Variants in SETBP1 observed in about 807,000 individuals in gnomAD.
The protein encoded by SETBP1 is SET binding protein 1, also known as SET-binding protein.
A neutral mutation model predicts 101.0 loss-of-function variants in SETBP1; 9 were observed. The observed-to-expected ratio is 0.09, with a 90% confidence interval of 0.05 to 0.16. The LOEUF is 0.16. SETBP1 is among the 10% of genes least tolerant of loss of function. The pLI is 1.00. For missense variants in SETBP1, 1,858 were observed against 2,033.8 expected, an observed-to-expected ratio of 0.91 and a Z score of 1.66; for synonymous variants, 818 against 788.5, an observed-to-expected ratio of 1.04 and a Z score of -0.63.
chr18:44,885,373 A>G (rs900010920), intron 3 of SETBP1, among the ~76,000 whole-genome samples: 46 of 152,178 alleles, frequency 3.0e-4, no homozygotes, highest in Non-Finnish European at 1.8e-4. Flanking sequence ...AAATGAGCAC[A>G]TGAATCCCAA....
At chr18:44,779,118 C>T (rs2071070517) in intron 2 of SETBP1, among the ~76,000 whole-genome samples, 1 of 152,200 alleles carries the variant, frequency 6.6e-6, no homozygotes, top group South Asian at 2.1e-4. Flanking sequence ...CAGGACTGGA[C>T]AATGTTGCTT....
At chr18:44,965,044 T>G (rs979527921) in intron 4 of SETBP1, among the ~76,000 whole-genome samples, 1 of 152,158 alleles carries the variant, frequency 6.6e-6, no homozygotes, top group Admixed American at 6.6e-5. Flanking sequence ...CTCAGGACAT[T>G]AACTGAGAAG....
intron 4 of SETBP1, among the ~76,000 whole-genome samples, chr18:45,015,318 G>C (rs1022699556): frequency 9.2e-5 from 14 of 152,292 alleles, no homozygotes; most frequent in African/African-American, 2.9e-4. Context: ...CTCACATTTT[G>C]GCCCCAATTC....
At chr18:44,924,538 G>A (rs1304987034) in intron 3 of SETBP1, among the ~76,000 whole-genome samples, 1 of 152,080 alleles carries the variant, frequency 6.6e-6, no homozygotes, top group Non-Finnish European at 1.5e-5. Flanking sequence ...TATTAATGGG[G>A]AAACTGAGGT....
intron 5 of SETBP1, among the ~76,000 whole-genome samples, chr18:45,055,176 G>A (rs1347914160): frequency 1.3e-5 from 2 of 152,180 alleles, no homozygotes; most frequent in East Asian, 3.8e-4. Context: ...GCCATAGAAA[G>A]TTAAGATCTT....
chr18:45,026,095 A>C (rs535901009), intron 4 of SETBP1, among the ~76,000 whole-genome samples: 1 of 152,328 alleles, frequency 6.6e-6, no homozygotes, highest in Admixed American at 6.5e-5. Flanking sequence ...AAGACACTAC[A>C]AAAGATGCTT....
chr18:44,942,816 C>A (rs1444324664), intron 3 of SETBP1, among the ~76,000 whole-genome samples: 1 of 152,112 alleles, frequency 6.6e-6, no homozygotes, highest in Non-Finnish European at 1.5e-5. Flanking sequence ...TATGGTAGGG[C>A]CCTCTGTCGT....
At chr18:44,987,012 C>T (rs1005836238) in intron 4 of SETBP1, 1 of 151,958 alleles carries the variant, frequency 6.6e-6, no homozygotes, top group Admixed American at 6.6e-5. Context: ...TATTATGTAC[C>T]GTACCTAGTC....
chr18:44,782,938 C>T (rs1426800212), intron 2 of SETBP1, among the ~76,000 whole-genome samples: 2 of 151,878 alleles, frequency 1.3e-5, no homozygotes, highest in Non-Finnish European at 2.9e-5. Flanking sequence ...TTTGGGGGTA[C>T]GTAGTAGGTG....
At chr18:44,685,845 T>C (rs781052674) in intron 1 of SETBP1, among the ~76,000 whole-genome samples, 1 of 152,156 alleles carries the variant, frequency 6.6e-6, no homozygotes, top group Non-Finnish European at 1.5e-5. Flanking sequence ...CATATAACTG[T>C]ATATATTGAA....
chr18:44,877,498 C>A, intron 3 of SETBP1: 1 of 379,556 alleles, frequency 2.6e-6, no homozygotes, highest in Non-Finnish European at 3.6e-6. Context: ...AAAAATGGTT[C>A]CACTCGTAAC....
chr18:44,915,085 T>C (rs2070396277), intron 3 of SETBP1, among the ~76,000 whole-genome samples: 1 of 152,156 alleles, frequency 6.6e-6, no homozygotes, highest in Non-Finnish European at 1.5e-5. Context: ...ACTGTGGAAA[T>C]TCGTAATGAA....
intron 2 of SETBP1, among the ~76,000 whole-genome samples, chr18:44,864,165 T>C (rs909365643): frequency 6.6e-6 from 1 of 152,054 alleles, no homozygotes; most frequent in African/African-American, 2.4e-5. Context: ...TTAGAAGCTA[T>C]AGAAGTTTGC....
At chr18:44,688,775 T>G (rs999390873) in intron 1 of SETBP1, among the ~76,000 whole-genome samples, 1 of 152,114 alleles carries the variant, frequency 6.6e-6, no homozygotes, top group African/African-American at 2.4e-5. Flanking sequence ...TTTAAAAAAG[T>G]ATTGATTAAT....
chr18:44,770,668 C>T (rs370993806), intron 2 of SETBP1, among the ~76,000 whole-genome samples: 2 of 152,156 alleles, frequency 1.3e-5, no homozygotes, highest in Non-Finnish European at 2.9e-5. Flanking sequence ...AAAGATTTAG[C>T]GCCATTCCTT....
chr18:44,894,779 T>C (rs2069853302), intron 3 of SETBP1, among the ~76,000 whole-genome samples: 1 of 151,608 alleles, frequency 6.6e-6, no homozygotes, highest in African/African-American at 2.4e-5. Context: ...ACCAAGAGAA[T>C]TTAAATGGAT....
At chr18:44,947,332 G>A (rs971243228) in intron 3 of SETBP1, among the ~76,000 whole-genome samples, 3 of 151,944 alleles carry the variant, frequency 2.0e-5, no homozygotes, top group Non-Finnish European at 4.4e-5. Context: ...AAAACGGTAG[G>A]AGTTAGGGCC....
At chr18:44,780,008 C>T (rs1434849094) in intron 2 of SETBP1, among the ~76,000 whole-genome samples, 1 of 152,106 alleles carries the variant, frequency 6.6e-6, no homozygotes, top group African/African-American at 2.4e-5. Flanking sequence ...TGCACTTTCC[C>T]GCCAACACTT....
chr18:45,031,204 G>C lies in SETBP1; in HGVS notation c.4001-7281G>C, dbSNP rs190707912. On this transcript the variant is annotated intron_variant, in intron 4 of 5. Transcript: ENST00000649279. Reference sequence around the variant, plus strand: ...CTCTTCTGCGTTCTTTCATTTGAATGGGCTTTTGTGATTGTATTGTGACCA... The same window carrying C: ...CTCTTCTGCGTTCTTTCATTTGAATCGGCTTTTGTGATTGTATTGTGACCA... Among the ~76,000 whole-genome samples, 25 of 152,134 alleles carry C rather than the reference G, an allele frequency of 1.6e-4. No homozygotes were observed. In the East Asian group the frequency reaches 4.6e-3, roughly 28 times the overall value.
Sources: gnomAD v4.1 joint callset for allele counts (sites outside exome capture counted in the v4.1 genomes callset) on GRCh38, gnomAD v4.1.1 for gene constraint, MANE v1.5 for transcripts, NCBI Gene and HGNC (gene_info 2026-07-23, HGNC 2026-07-21) for gene names.